VPS37A: variants seen among roughly 807,000 people sequenced by gnomAD.
VPS37A encodes the protein VPS37A subunit of ESCRT-I.
VPS37A carries 30 observed loss-of-function variants against 49.8 expected under a neutral mutation model. The observed-to-expected ratio is 0.60, with a 90% confidence interval of 0.45 to 0.82. The LOEUF (loss-of-function observed/expected upper bound fraction) is 0.82. Among genes scored for constraint, VPS37A ranks in the 40% least tolerant of loss-of-function variants. The probability of loss-of-function intolerance (pLI) is 0.00; values close to 1 mark genes in which losing one functional copy is unlikely to be tolerated. For synonymous variants in VPS37A, 195 were observed against 160.6 expected (o/e 1.21, Z -1.62); for missense variants, 593 against 464.4 (o/e 1.28, Z -2.55).
At chr8:17,304,548 G>T, downstream of VPS37A, 2 of 1,602,682 alleles carry the variant, frequency 1.2e-6, no homozygotes, top group South Asian at 1.1e-5. Context: ...GTCTATAAAT[G>T]ACCTATTTTG....
chr8:17,248,547 A>G (rs567333282), intron 1 of VPS37A: 1 of 330,192 alleles, frequency 3.0e-6, no homozygotes, highest in Admixed American at 4.4e-5. Flanking sequence ...AAGTGCTGGG[A>G]TTACAGGAAT....
chr8:17,247,819 G>A (rs1339131116), intron 1 of VPS37A: 4 of 699,454 alleles, frequency 5.7e-6, no homozygotes, highest in South Asian at 1.5e-5. Context: ...GGAAAGGGAA[G>A]CCAGAGTTTT....
intron 1 of VPS37A, among the ~76,000 whole-genome samples, chr8:17,258,126 T>C (rs1180414375): frequency 6.6e-6 from 1 of 152,300 alleles, no homozygotes; most frequent in Non-Finnish European, 1.5e-5. Context: ...TTTTCCATTT[T>C]AGATGCTGTT....
At chr8:17,274,412 A>G (rs1814303577) in intron 4 of VPS37A, among the ~76,000 whole-genome samples, 1 of 152,196 alleles carries the variant, frequency 6.6e-6, no homozygotes, top group Non-Finnish European at 1.5e-5. Context: ...ACTGATTGAT[A>G]GCAGTGGAGT....
Position 17,247,228 on chromosome 8 carries a change from C to T in VPS37A, c.-17C>T. The T allele has an allele frequency of 1.3e-6, 2 of 1,564,830 alleles. No individual in the cohort carries two copies. The highest frequency in any genetic ancestry group is 1.7e-6 in the Non-Finnish European group (2 of 1,154,654). On this transcript the variant is annotated 5_prime_UTR_variant, in exon 1 of 12. Coordinates refer to ENST00000324849, the MANE Select transcript of VPS37A (RefSeq NM_152415.3). Reference sequence around the variant, plus strand: ...GCCAGAGCCTTCCAGGGCCTCCGGCCCGTGGACCCGAGGAGGATGAGCTGG... The same window carrying T: ...GCCAGAGCCTTCCAGGGCCTCCGGCTCGTGGACCCGAGGAGGATGAGCTGG...
At chr8:17,269,071 A>G in intron 4 of VPS37A, 115 bp downstream of exon 4, 1 of 690,570 alleles carries the variant, frequency 1.4e-6, no homozygotes, top group Non-Finnish European at 2.3e-6. Context: ...CTACATCCCC[A>G]CAAATACATC....
intron 6 of VPS37A, among the ~76,000 whole-genome samples, chr8:17,277,861 TACACACACAC>T (rs67718316): frequency 0.012 from 1,626 of 140,984 alleles, 24 homozygotes; most frequent in African/African-American, 0.037. Flanking sequence ...TTCTCTTTTA[TACACACACAC>T]ACACACACAC....
chr8:17,254,976 C>T (rs1281582180), intron 1 of VPS37A, among the ~76,000 whole-genome samples: 3 of 152,124 alleles, frequency 2.0e-5, no homozygotes, highest in African/African-American at 7.2e-5. Flanking sequence ...TTACCCAACA[C>T]TGAGGAAAAT....
chr8:17,327,588 C>G, the VPS37A span, among the ~76,000 whole-genome samples: 1 of 151,992 alleles, frequency 6.6e-6, no homozygotes, highest in Non-Finnish European at 1.5e-5. Context: ...CTTCCTGTAT[C>G]TTTATTTTTT....
the VPS37A span, among the ~76,000 whole-genome samples, chr8:17,324,332 C>T: frequency 1.1e-4 from 16 of 152,208 alleles, no homozygotes; most frequent in Non-Finnish European, 2.4e-4. Context: ...GGTATTGTGC[C>T]TGAGGCTCTG....
intron 1 of VPS37A, 160 bp downstream of exon 1, chr8:17,247,529 C>CT: frequency 9.6e-7 from 1 of 1,043,084 alleles, no homozygotes; most frequent in Non-Finnish European, 1.4e-6. Flanking sequence ...CTCCTGCCCC[C>CT]TTTTACTGTT....
At chr8:17,301,962 G>GA, downstream of VPS37A, 1 of 615,096 alleles carries the variant, frequency 1.6e-6, no homozygotes, top group Non-Finnish European at 2.6e-6. Flanking sequence ...CCAGATGTGT[G>GA]AAATGCATTA....
intron 5 of VPS37A, among the ~76,000 whole-genome samples, 184 bp from the exon 6 acceptor site, chr8:17,276,213 C>T (rs1386325174): frequency 1.3e-5 from 2 of 151,772 alleles, no homozygotes; most frequent in African/African-American, 2.4e-5. Context: ...CCTATGTATA[C>T]GACGCTGAAA....
intron 1 of VPS37A, among the ~76,000 whole-genome samples, chr8:17,254,092 T>G (rs1812215631): frequency 6.6e-6 from 1 of 152,218 alleles, no homozygotes; most frequent in East Asian, 1.9e-4. Context: ...TTGTTGAATT[T>G]GGTGCACAGT....
intron 2 of VPS37A, among the ~76,000 whole-genome samples, chr8:17,267,335 C>T (rs1813564174): frequency 6.6e-6 from 1 of 152,100 alleles, no homozygotes. Context: ...AACAAAGAGA[C>T]AATTCAAAGT....
the VPS37A span, among the ~76,000 whole-genome samples, chr8:17,314,494 T>A: frequency 6.6e-6 from 1 of 152,180 alleles, no homozygotes. Context: ...GTGAACTCTT[T>A]GAAAGCACTG....
intron 11 of VPS37A, among the ~76,000 whole-genome samples, chr8:17,291,867 T>A (rs1162170471): frequency 6.6e-6 from 1 of 152,188 alleles, no homozygotes; most frequent in Non-Finnish European, 1.5e-5. Context: ...TCTTTTGCAT[T>A]TGCTGAGGAG....
At chr8:17,312,449 C>T in the VPS37A span, among the ~76,000 whole-genome samples, 1 of 152,004 alleles carries the variant, frequency 6.6e-6, no homozygotes, top group Non-Finnish European at 1.5e-5. Flanking sequence ...GTGGCGCGTG[C>T]CAGTAATTCC....
Position 17,253,263 on chromosome 8 carries a change from A to G in VPS37A, c.125+5894A>G, listed in dbSNP as rs546469855. Among the ~76,000 whole-genome samples, 34 of 152,156 alleles carry G rather than the reference A, an allele frequency of 2.2e-4. No homozygotes were observed. The South Asian group carries it at 3.9e-3, about 18-fold the overall frequency. On this transcript the variant is annotated intron_variant, in intron 1 of 11. Transcript: ENST00000324849. The stretch of plus-strand genomic sequence containing the variant: ...AAAACCTGTGCCGTCTTCCATTTCC[A>G]TTCAGTCTTCCATGTCTACTACCAC...
Sources: gnomAD v4.1 joint callset for allele counts (sites outside exome capture counted in the v4.1 genomes callset) on GRCh38, gnomAD v4.1.1 for gene constraint, MANE v1.5 for transcripts, NCBI Gene and HGNC (gene_info 2026-07-23, HGNC 2026-07-21) for gene names.